B3GALT1: variants seen among roughly 807,000 people sequenced by gnomAD.
The protein encoded by B3GALT1 is UDP-Gal:betaGlcNAc beta 1,3-galactosyltransferase, polypeptide 1.
In B3GALT1, 10 loss-of-function variants were observed where a neutral mutation model predicts 23.2. That is an observed-to-expected ratio of 0.43 (90% CI 0.27 to 0.73). B3GALT1 has a LOEUF of 0.73. Among genes scored for constraint, B3GALT1 ranks in the 30% least tolerant of loss-of-function variants. The pLI is 0.21. For missense variants in B3GALT1, 299 were observed against 405.4 expected (o/e 0.74, Z 2.25); for synonymous variants, 156 against 141.5 (o/e 1.10, Z -0.73).
chr2:167,413,369 A>G (rs1304717931), intron 1 of B3GALT1, among the ~76,000 whole-genome samples: 1 of 152,008 alleles, frequency 6.6e-6, no homozygotes, highest in East Asian at 1.9e-4. Flanking sequence ...CATGATTTAA[A>G]CATAACAGTG....
intron 3 of B3GALT1, among the ~76,000 whole-genome samples, chr2:167,692,805 A>C (rs1282046028): frequency 6.6e-6 from 1 of 152,106 alleles, no homozygotes; most frequent in East Asian, 1.9e-4. Flanking sequence ...ATTTTTTAAA[A>C]TTATCTTAAT....
At chr2:167,341,329 T>G (rs755179157) in intron 1 of B3GALT1, among the ~76,000 whole-genome samples, 1 of 152,196 alleles carries the variant, frequency 6.6e-6, no homozygotes, top group African/African-American at 2.4e-5. Flanking sequence ...TTGTTTGCCA[T>G]TTATTTAGAA....
At chr2:167,561,283 A>G (rs1042306133) in intron 2 of B3GALT1, among the ~76,000 whole-genome samples, 1 of 152,204 alleles carries the variant, frequency 6.6e-6, no homozygotes, top group Non-Finnish European at 1.5e-5. Context: ...ACATACCAGA[A>G]TCTCTGGGAC....
chr2:167,763,393 T>C (rs1687925082), intron 3 of B3GALT1, among the ~76,000 whole-genome samples: 1 of 152,020 alleles, frequency 6.6e-6, no homozygotes, highest in Non-Finnish European at 1.5e-5. Flanking sequence ...AGTAAACACT[T>C]TGGAAGGTAG....
chr2:167,766,992 A>G (rs1168874905), intron 3 of B3GALT1, among the ~76,000 whole-genome samples: 1 of 152,054 alleles, frequency 6.6e-6, no homozygotes, highest in East Asian at 1.9e-4. Context: ...TGTCTTCAGG[A>G]TTGTACTGGG....
intron 2 of B3GALT1, among the ~76,000 whole-genome samples, chr2:167,500,015 G>A (rs1699830309): frequency 6.6e-6 from 1 of 152,082 alleles, no homozygotes. Flanking sequence ...GCATGCGAGA[G>A]AGACAGTCCA....
intron 2 of B3GALT1, among the ~76,000 whole-genome samples, chr2:167,490,805 A>C (rs1426837108): frequency 1.3e-5 from 2 of 152,182 alleles, no homozygotes; most frequent in East Asian, 3.9e-4. Context: ...CTATGATTGA[A>C]ATCTGGACTT....
At chr2:167,847,093 C>T (rs2077370667) in intron 4 of B3GALT1, among the ~76,000 whole-genome samples, 2 of 152,018 alleles carry the variant, frequency 1.3e-5, no homozygotes. Context: ...ACTGGAGCTC[C>T]CAGATTTATA....
chr2:167,462,892 C>G (rs1261428807), intron 1 of B3GALT1, among the ~76,000 whole-genome samples: 1 of 152,088 alleles, frequency 6.6e-6, no homozygotes, highest in Admixed American at 6.6e-5. Flanking sequence ...GCACCTTTTT[C>G]AGAGAATAAA....
At chr2:167,780,589 T>G (rs1688230232) in intron 3 of B3GALT1, among the ~76,000 whole-genome samples, 1 of 152,182 alleles carries the variant, frequency 6.6e-6, no homozygotes, top group Non-Finnish European at 1.5e-5. Flanking sequence ...AGATGCACAC[T>G]TTATTGGTAA....
At chr2:167,783,399 G>A (rs1156655564) in intron 3 of B3GALT1, among the ~76,000 whole-genome samples, 1 of 152,100 alleles carries the variant, frequency 6.6e-6, no homozygotes. Flanking sequence ...CTTGAGCCAA[G>A]TGAGCTGCAA....
rs1683549284 is a variant in B3GALT1 at position 167,542,506 on chromosome 2, T to C, written c.-410+52229T>C. ...CATAGTTTCTTCCTTTCAGACAAAA[T>C]ATATATTATGATTCAGGGGCTTTTG... is the stretch of plus-strand genomic sequence containing the variant. On this transcript the variant is annotated intron_variant, in intron 2 of 4. Coordinates refer to ENST00000392690, the MANE Select transcript of B3GALT1 (RefSeq NM_020981.4). Among the ~76,000 whole-genome samples the C allele has an allele frequency of 2.0e-5, 3 of 152,252 alleles. No individual in the cohort carries two copies. The South Asian group carries it at 6.2e-4, about 32-fold the overall frequency.
chr2:167,716,258 C>T lies in B3GALT1; in HGVS notation c.-352+69292C>T, dbSNP rs369669263. On this transcript the variant is annotated intron_variant, in intron 3 of 4. Transcript: ENST00000392690. ...GGCCTCACAGGCCCGTGCTGCCCCCCGCACCCTCCCTCGGCCCCCCTGTTA... is the reference window on the plus strand; with the variant it reads ...GGCCTCACAGGCCCGTGCTGCCCCCTGCACCCTCCCTCGGCCCCCCTGTTA... Among the ~76,000 whole-genome samples, 230 of 152,328 alleles carry T rather than the reference C, an allele frequency of 1.5e-3. 1 individual carries two copies. Among genetic ancestry groups the T allele is most frequent in the South Asian group, 0.014 (69 of 4,824 alleles).
chr2:167,554,900 T>C (rs1016014742), intron 2 of B3GALT1, among the ~76,000 whole-genome samples: 3 of 152,174 alleles, frequency 2.0e-5, no homozygotes, highest in Admixed American at 2.0e-4. Context: ...GAAAAGTTCA[T>C]GAAACTCATC....
At chr2:167,582,117 C>G (rs1003800183) in intron 2 of B3GALT1, among the ~76,000 whole-genome samples, 1 of 150,928 alleles carries the variant, frequency 6.6e-6, no homozygotes, top group Admixed American at 6.6e-5. Flanking sequence ...ATTATAGAAA[C>G]TGATTATCTC....
rs140970343 is a variant in B3GALT1, at chr2:167,629,709, A to G, written c.-409-17200A>G. ...TAGTTATGTTATTTCCCTAAGACGC[A>G]TTAGAATAAATTACTACAGAAATAA... On this transcript the variant is annotated intron_variant, in intron 2 of 4. Transcript: ENST00000392690. Among the ~76,000 whole-genome samples the G allele has an allele frequency of 5.3e-3, 802 of 151,898 alleles. 8 individuals carry two copies. Among genetic ancestry groups the G allele is most frequent in the African/African-American group, 0.019 (773 of 41,522 alleles).
chr2:167,822,823 G>A (rs1222090177), intron 4 of B3GALT1, among the ~76,000 whole-genome samples: 1 of 152,110 alleles, frequency 6.6e-6, no homozygotes, highest in Admixed American at 6.5e-5. Context: ...TTACCCGAGG[G>A]CACTTTTTAC....
intron 3 of B3GALT1, among the ~76,000 whole-genome samples, chr2:167,783,579 T>C (rs1255007980): frequency 1.3e-5 from 2 of 152,188 alleles, no homozygotes; most frequent in African/African-American, 2.4e-5. Context: ...TATTTTCTTA[T>C]CTACAACAGA....
At chr2:167,813,660 G>T (rs1688935521) in intron 3 of B3GALT1, among the ~76,000 whole-genome samples, 1 of 152,134 alleles carries the variant, frequency 6.6e-6, no homozygotes, top group Non-Finnish European at 1.5e-5. Context: ...TCAAATCTTG[G>T]ATCTTCCTTT....
Sources: gnomAD v4.1 joint callset for allele counts (sites outside exome capture counted in the v4.1 genomes callset) on GRCh38, gnomAD v4.1.1 for gene constraint, MANE v1.5 for transcripts, NCBI Gene and HGNC (gene_info 2026-07-23, HGNC 2026-07-21) for gene names.